ROBO1: variants seen among roughly 807,000 people sequenced by gnomAD.
ROBO1 encodes the protein roundabout homolog 1.
In ROBO1, 149 loss-of-function variants were observed where a neutral mutation model predicts 195.9. The ratio of observed to expected loss-of-function variants is 0.76; its 90% CI spans 0.67 to 0.87. The LOEUF is 0.87. ROBO1 is among the 40% of genes least tolerant of loss of function. The pLI is 0.00. For synonymous variants in ROBO1, 816 were observed against 733.2 expected, an observed-to-expected ratio of 1.11 and a Z score of -1.82; for missense variants, 1,933 against 2,068.3, an observed-to-expected ratio of 0.93 and a Z score of 1.27.
intron 2 of ROBO1, among the ~76,000 whole-genome samples, chr3:79,476,745 A>G (rs1938565038): frequency 6.6e-6 from 1 of 151,978 alleles, no homozygotes; most frequent in South Asian, 2.1e-4. Flanking sequence ...GATACAATGG[A>G]CTTTGAGAAT....
At chr3:78,723,898 T>C (rs2082100697) in intron 5 of ROBO1, among the ~76,000 whole-genome samples, 1 of 152,116 alleles carries the variant, frequency 6.6e-6, no homozygotes, top group South Asian at 2.1e-4. Context: ...ACTGCTGAGA[T>C]TTCCCAGATT....
intron 1 of ROBO1, among the ~76,000 whole-genome samples, chr3:79,695,736 G>GAATTAAGTCTTCTAAGAAGA (rs1947426394): frequency 6.6e-6 from 1 of 151,274 alleles, no homozygotes; most frequent in African/African-American, 2.4e-5. Flanking sequence ...GATTTTGAAG[G>GAATTAAGTCTTCTAAGAAGA]AATTAAGTCT....
Position 78,600,294 on chromosome 3 carries a change from TA to T in ROBO1, c.4759del (p.Tyr1587IlefsTer36). 6.2e-7 allele frequency: 1 copy of T among 1,605,416 alleles called. No homozygotes were observed. The highest frequency in any genetic ancestry group is 1.7e-5 in the Admixed American group (1 of 59,950). The part of the protein sequence containing the change: ...THLIQEDILP[Y>X]CRPTFPTSNN... The stretch of plus-strand genomic sequence containing the variant: ...TGATGTTGGAAAAGTAGGTCTACAA[TA>T]AGGTAGAATATCCTCTGTGTAATGA... On this transcript the variant is annotated frameshift_variant, in exon 30 of 31. Transcript: ENST00000464233. LOFTEE classifies it high-confidence loss of function.
intron 1 of ROBO1, among the ~76,000 whole-genome samples, chr3:79,694,444 C>T (rs960072397): frequency 4.6e-5 from 7 of 151,714 alleles, no homozygotes; most frequent in Non-Finnish European, 1.0e-4. Flanking sequence ...GTTTACCACC[C>T]AACTCTGGGC....
intron 4 of ROBO1, among the ~76,000 whole-genome samples, chr3:78,817,525 A>G (rs1013473551): frequency 6.6e-6 from 1 of 152,176 alleles, no homozygotes; most frequent in African/African-American, 2.4e-5. Context: ...ATGTGAATTC[A>G]CTACATCAAA....
intron 2 of ROBO1, among the ~76,000 whole-genome samples, chr3:79,231,700 T>TTATATA (rs1316921775): frequency 6.6e-6 from 1 of 152,112 alleles, no homozygotes; most frequent in African/African-American, 2.4e-5. Context: ...GACCCAGCAA[T>TTATATA]CCCATTACTG....
At chr3:78,646,790 T>C (rs1365540290) in intron 20 of ROBO1, among the ~76,000 whole-genome samples, 1 of 151,968 alleles carries the variant, frequency 6.6e-6, no homozygotes, top group Non-Finnish European at 1.5e-5. Context: ...ATCAGACATG[T>C]ATAGATAATC....
At chr3:79,183,080 C>CAAAAAA (rs1304597488) in intron 2 of ROBO1, among the ~76,000 whole-genome samples, 23 of 64,830 alleles carry the variant, frequency 3.5e-4, no homozygotes, top group African/African-American at 1.1e-3. Flanking sequence ...GACTCCAACT[C>CAAAAAA]AAAAAAAAAA....
At chr3:79,318,591 A>T (rs1051748059) in intron 2 of ROBO1, among the ~76,000 whole-genome samples, 6 of 152,210 alleles carry the variant, frequency 3.9e-5, no homozygotes, top group Admixed American at 3.9e-4. Context: ...TATCTAATCA[A>T]ATCACAAATC....
At chr3:79,493,403 A>T (rs1939569099) in intron 2 of ROBO1, among the ~76,000 whole-genome samples, 1 of 152,020 alleles carries the variant, frequency 6.6e-6, no homozygotes, top group African/African-American at 2.4e-5. Context: ...TAAAATTAAA[A>T]ATGATTCATT....
At chr3:79,740,227 T>G (rs960048109) in intron 1 of ROBO1, among the ~76,000 whole-genome samples, 13 of 59,310 alleles carry the variant, frequency 2.2e-4, no homozygotes, top group East Asian at 1.5e-3. Context: ...ATATATAAAT[T>G]TATATATAAA....
intron 4 of ROBO1, among the ~76,000 whole-genome samples, chr3:78,870,487 T>TA (rs1471324546): frequency 6.6e-6 from 1 of 151,972 alleles, no homozygotes; most frequent in African/African-American, 2.4e-5. Flanking sequence ...AGGTTAAGAG[T>TA]AAAAAAGCAT....
intron 2 of ROBO1, among the ~76,000 whole-genome samples, chr3:79,410,822 A>G (rs2037737663): frequency 6.6e-6 from 1 of 152,196 alleles, no homozygotes. Flanking sequence ...TGCTGCTTGC[A>G]GTCCCCATTG....
chr3:79,384,094 A>C (rs1382464525), intron 2 of ROBO1, among the ~76,000 whole-genome samples: 2 of 152,028 alleles, frequency 1.3e-5, no homozygotes, highest in Non-Finnish European at 2.9e-5. Flanking sequence ...AGCTATTCTG[A>C]GCAATAATCT....
chr3:79,035,362 T>C (rs1223262229), intron 3 of ROBO1, among the ~76,000 whole-genome samples: 1 of 152,214 alleles, frequency 6.6e-6, no homozygotes, highest in Non-Finnish European at 1.5e-5. Flanking sequence ...ACTTACTTTG[T>C]TAATTTCTAT....
chr3:78,878,216 C>T (rs1042112812), intron 4 of ROBO1, among the ~76,000 whole-genome samples: 1 of 152,058 alleles, frequency 6.6e-6, no homozygotes, highest in Admixed American at 6.6e-5. Flanking sequence ...CAGTTCAAAC[C>T]CAAACCTCAG....
At chr3:79,464,647 A>AT (rs138844087) in intron 2 of ROBO1, among the ~76,000 whole-genome samples, 5,232 of 152,250 alleles carry the variant, frequency 0.034, 205 homozygotes, top group African/African-American at 0.098. Flanking sequence ...TACAAGTTCT[A>AT]TATCAGTTAT....
intron 2 of ROBO1, among the ~76,000 whole-genome samples, chr3:79,210,195 A>G (rs1324813207): frequency 6.6e-6 from 1 of 152,172 alleles, no homozygotes; most frequent in East Asian, 1.9e-4. Context: ...GAACCACGGA[A>G]GAGCCCACAT....
chr3:79,710,917 C>G (rs1456093316), intron 1 of ROBO1, among the ~76,000 whole-genome samples: 1 of 152,046 alleles, frequency 6.6e-6, no homozygotes, highest in East Asian at 1.9e-4. Context: ...GTTGGTGAAG[C>G]CAGGCCCAGT....
Sources: gnomAD v4.1 joint callset for allele counts (sites outside exome capture counted in the v4.1 genomes callset) on GRCh38, gnomAD v4.1.1 for gene constraint, MANE v1.5 for transcripts, NCBI Gene and HGNC (gene_info 2026-07-23, HGNC 2026-07-21) for gene names.